The following USH2A variants were observed in gnomAD, a reference collection of about 807,000 sequenced individuals.
The protein encoded by USH2A is usherin, also known as Usher syndrome 2A (autosomal recessive, mild).
A neutral mutation model predicts 538.9 loss-of-function variants in USH2A; 443 were observed. The observed-to-expected ratio is 0.82, with a 90% CI of 0.76 to 0.89. USH2A has a LOEUF of 0.89. Among genes scored for constraint, USH2A ranks in the 40% least tolerant of loss-of-function variants. USH2A has a pLI of 0.00. For synonymous variants in USH2A, 2,413 were observed against 2,273.5 expected (o/e 1.06, Z -1.75); for missense variants, 6,633 against 6,324.8 (o/e 1.05, Z -1.65).
intron 42 of USH2A, 57 bp downstream of exon 42, chr1:215,878,707 A>G (rs1175883900): frequency 6.4e-7 from 1 of 1,559,940 alleles, no homozygotes; most frequent in Non-Finnish European, 8.8e-7. Context: ...TCATTTCCCT[A>G]CTTCTCAGAG....
At chr1:215,809,456 C>CA (rs5780854) in intron 49 of USH2A, among the ~76,000 whole-genome samples, 60,936 of 143,278 alleles carry the variant, frequency 0.43, 13,262 homozygotes, top group Admixed American at 0.57. Flanking sequence ...GAAAAGTCTT[C>CA]AAAAAAAAAA....
At chr1:216,166,158 G>A (rs1168348094) in intron 21 of USH2A, among the ~76,000 whole-genome samples, 1 of 152,080 alleles carries the variant, frequency 6.6e-6, no homozygotes, top group Non-Finnish European at 1.5e-5. Flanking sequence ...GGGGTTGCTG[G>A]AAGTTTATTT....
At chr1:215,850,243 G>C (rs1196866180) in intron 44 of USH2A, among the ~76,000 whole-genome samples, 2 of 151,920 alleles carry the variant, frequency 1.3e-5, no homozygotes, top group East Asian at 1.9e-4. Context: ...ATATAAAATA[G>C]AATGGCATGA....
At chr1:216,303,581 A>C (rs1228818757) in intron 9 of USH2A, among the ~76,000 whole-genome samples, 1 of 151,930 alleles carries the variant, frequency 6.6e-6, no homozygotes, top group Non-Finnish European at 1.5e-5. Context: ...TACATTAGTA[A>C]ATTAAAAAAC....
At chr1:215,838,800 A>C (rs543464184) in intron 46 of USH2A, among the ~76,000 whole-genome samples, 60 of 152,344 alleles carry the variant, frequency 3.9e-4, no homozygotes, top group Non-Finnish European at 4.6e-4. Context: ...ATGAATATGC[A>C]AAAGATTGGG....
chr1:215,925,974 C>T (rs765777989), intron 38 of USH2A, among the ~76,000 whole-genome samples: 3 of 151,986 alleles, frequency 2.0e-5, no homozygotes, highest in South Asian at 2.1e-4. Context: ...GCTGAGATTG[C>T]GCCACTGCAC....
chr1:216,205,185 C>T (rs192157594), intron 16 of USH2A, among the ~76,000 whole-genome samples: 189 of 152,268 alleles, frequency 1.2e-3, no homozygotes, highest in African/African-American at 4.4e-3. Context: ...GACCCTAATT[C>T]ACAACTTCAG....
At chr1:216,057,782 A>G (rs924739846) in intron 30 of USH2A, among the ~76,000 whole-genome samples, 2 of 152,238 alleles carry the variant, frequency 1.3e-5, no homozygotes, top group Non-Finnish European at 2.9e-5. Flanking sequence ...TAACACCAAC[A>G]AAAAGAATTA....
In USH2A at chr1:216,292,212, T is replaced by C. The variant is rs2102610743; in HGVS notation, c.1803A>G (p.Gly601=). ...DPFPFEHFRG[G]GGVCDDCEHN... is the part of the protein sequence containing the mutation. ...GCTCACAATCATCACAAACTCCTCC[T>C]CCCCCTCTGAAGTGCTCAAAAGGAA... Residue 601 remains glycine, a synonymous_variant, in exon 10 of 72, where the codon GGA becomes GGG. Transcript: ENST00000307340. The C allele has an allele frequency of 6.2e-7, 1 of 1,613,998 alleles. No homozygotes were observed. The highest frequency in any genetic ancestry group is 1.6e-4 in the Middle Eastern group (1 of 6,062).
Position 216,422,442 on chromosome 1 carries a change from G to C in USH2A, c.-106C>G. 6.6e-7 allele frequency: 1 copy of C among 1,521,262 alleles called. No individual in the cohort carries two copies. Among genetic ancestry groups the C allele is most frequent in the African/African-American group, 1.4e-5 (1 of 72,454 alleles). The allele number at this position is 1,521,262 out of a possible 1,614,324, so 94.2% of individuals were successfully genotyped here. On this transcript the variant is annotated 5_prime_UTR_variant, in exon 2 of 72. Coordinates refer to ENST00000307340, the MANE Select transcript of USH2A (RefSeq NM_206933.4). ...GAAGCAGGGTACTTTAAGTGATGTT[G>C]CGATACTCCATTTTCTGGAAACTGC...
intron 14 of USH2A, among the ~76,000 whole-genome samples, chr1:216,228,183 G>A (rs76623235): frequency 0.024 from 3,709 of 152,216 alleles, 158 homozygotes; most frequent in African/African-American, 0.085. Context: ...GAAGATTTGA[G>A]AAATAGAGAA....
intron 64 of USH2A, among the ~76,000 whole-genome samples, chr1:215,658,461 T>A (rs544581524): frequency 1.3e-5 from 2 of 152,294 alleles, no homozygotes; most frequent in East Asian, 3.9e-4. Flanking sequence ...ATGAGAAAAC[T>A]GAGGAACACA....
chr1:215,759,992 T>C, intron 56 of USH2A, 149 bp from the exon 57 acceptor site: 2 of 849,962 alleles, frequency 2.4e-6, no homozygotes, highest in Non-Finnish European at 3.7e-6. Flanking sequence ...ATAATTGGTG[T>C]AAATATATTT....
At chr1:215,635,531 TTTTA>T (rs35379579) in intron 69 of USH2A, among the ~76,000 whole-genome samples, 3,035 of 142,118 alleles carry the variant, frequency 0.021, 86 homozygotes, top group African/African-American at 0.07. Context: ...GTAGGATTAT[TTTTA>T]TTTATTTATT....
intron 15 of USH2A, among the ~76,000 whole-genome samples, chr1:216,211,430 G>C (rs970268563): frequency 6.6e-6 from 1 of 152,136 alleles, no homozygotes; most frequent in African/African-American, 2.4e-5. Context: ...AGAATTGCTT[G>C]TTCAACTATG....
chr1:216,268,649 G>C lies in USH2A; in HGVS notation c.1972-17551C>G, dbSNP rs2036519948. Among the ~76,000 whole-genome samples the C allele has an allele frequency of 2.6e-5, 4 of 152,022 alleles. No homozygotes were observed. The South Asian group carries it at 8.3e-4, about 32-fold the overall frequency. On this transcript the variant is annotated intron_variant, in intron 11 of 71. Coordinates refer to ENST00000307340, the MANE Select transcript of USH2A (RefSeq NM_206933.4). The stretch of plus-strand genomic sequence containing the variant: ...CTTGCACAAGGATCCCGTAGGCTTG[G>C]GACATTCCTACTCTTTCTTCTGCTC...
At chr1:215,691,617 G>A (rs1658615096) in intron 61 of USH2A, among the ~76,000 whole-genome samples, 1 of 152,044 alleles carries the variant, frequency 6.6e-6, no homozygotes, top group African/African-American at 2.4e-5. Context: ...ATTTTCTTAA[G>A]CACTCATCAC....
intron 32 of USH2A, among the ~76,000 whole-genome samples, chr1:216,024,487 T>C (rs745953000): frequency 1.3e-5 from 2 of 152,078 alleles, no homozygotes; most frequent in Non-Finnish European, 2.9e-5. Flanking sequence ...GTAGAAGCCA[T>C]TCTCATTAAT....
At chr1:216,115,131 T>C (rs962731184) in intron 21 of USH2A, among the ~76,000 whole-genome samples, 4 of 151,978 alleles carry the variant, frequency 2.6e-5, no homozygotes, top group African/African-American at 9.7e-5. Context: ...TGTTTTGTTT[T>C]GTTTTGTTTT....
Sources: gnomAD v4.1 joint callset for allele counts (sites outside exome capture counted in the v4.1 genomes callset) on GRCh38, gnomAD v4.1.1 for gene constraint, MANE v1.5 for transcripts, NCBI Gene and HGNC (gene_info 2026-07-23, HGNC 2026-07-21) for gene names.